Variants in SIPA1L1 observed in about 807,000 individuals in gnomAD.
The protein encoded by SIPA1L1 is signal-induced proliferation-associated 1-like protein 1.
In SIPA1L1, 26 loss-of-function variants were observed where a neutral mutation model predicts 162.7. The ratio of observed to expected loss-of-function variants is 0.16; its 90% CI spans 0.12 to 0.22. SIPA1L1 has a LOEUF of 0.22. Ranked by LOEUF, SIPA1L1 falls within the 10% of genes least tolerant of loss-of-function variation. The pLI is 1.00. For missense variants in SIPA1L1, 1,874 were observed against 2,241.0 expected (o/e 0.84, Z 3.31); for synonymous variants, 829 against 837.4 (o/e 0.99, Z 0.17).
chr14:71,330,459 C>T, intron 2 of SIPA1L1: 4 of 1,602,186 alleles, frequency 2.5e-6, no homozygotes, highest in Non-Finnish European at 3.4e-6. Context: ...CTTGGAAATC[C>T]ACATCATTCA....
intron 2 of SIPA1L1, among the ~76,000 whole-genome samples, chr14:71,322,914 A>G (rs887522724): frequency 2.6e-5 from 4 of 152,190 alleles, no homozygotes; most frequent in African/African-American, 9.7e-5. Flanking sequence ...GGTACAGTGA[A>G]CTTTTAAAAT....
At chr14:71,413,989 T>G (rs1257830681) in intron 2 of SIPA1L1, 3 of 152,226 alleles carry the variant, frequency 2.0e-5, no homozygotes, top group African/African-American at 7.2e-5. Flanking sequence ...AAGCAAGATA[T>G]ACTACTAACT....
At chr14:71,623,306 T>A (rs1270637784) in intron 6 of SIPA1L1, among the ~76,000 whole-genome samples, 1 of 152,248 alleles carries the variant, frequency 6.6e-6, no homozygotes, top group African/African-American at 2.4e-5. Flanking sequence ...ATGCAGCAGT[T>A]AAATTAGGTT....
In SIPA1L1 at chr14:71,403,599, C is replaced by CAAA. The variant is rs147285643; in HGVS notation, c.-465+82441_-465+82443dup. Among the ~76,000 whole-genome samples the CAAA allele has an allele frequency of 2.7e-3, 187 of 69,228 alleles. 5 individuals are homozygous for CAAA. Among genetic ancestry groups the CAAA allele is most frequent in the African/African-American group, 8.9e-3 (160 of 17,996 alleles). The allele number at this position is 69,228 out of a possible 152,430, so 45.4% of individuals were successfully genotyped here. On this transcript the variant is annotated intron_variant, in intron 2 of 23. Transcript: ENST00000381232. ...TAGGTGACAGGCTGAGACTCTGTCT[C>CAAA]AAAAAAAAAAAAAAAAAAAAAAAAA...
intron 10 of SIPA1L1, among the ~76,000 whole-genome samples, chr14:71,666,261 T>C (rs1879074034): frequency 6.6e-6 from 1 of 152,202 alleles, no homozygotes; most frequent in African/African-American, 2.4e-5. Flanking sequence ...GAGGAACATG[T>C]TTGTAGTTGA....
intron 2 of SIPA1L1, among the ~76,000 whole-genome samples, chr14:71,421,500 A>G (rs904891686): frequency 6.6e-6 from 1 of 152,060 alleles, no homozygotes; most frequent in African/African-American, 2.4e-5. Flanking sequence ...TTGGGAGCCT[A>G]AGGTGGGAGG....
intron 12 of SIPA1L1, among the ~76,000 whole-genome samples, chr14:71,674,559 TGTTTTTTTTTG>T (rs2044887690): frequency 6.7e-6 from 1 of 148,474 alleles, no homozygotes; most frequent in African/African-American, 2.5e-5. Context: ...GTTTTTTTTT[TGTTTTTTTTTG>T]TTTTTTTTTT....
chr14:71,387,526 T>C (rs2040433844), intron 2 of SIPA1L1, among the ~76,000 whole-genome samples: 1 of 152,214 alleles, frequency 6.6e-6, no homozygotes, highest in Admixed American at 6.5e-5. Context: ...ACATCATTAC[T>C]GTAGCCAAGA....
chr14:71,417,822 A>C (rs2042917314), intron 2 of SIPA1L1, among the ~76,000 whole-genome samples: 1 of 152,240 alleles, frequency 6.6e-6, no homozygotes, highest in Non-Finnish European at 1.5e-5. Context: ...AAAAATACTA[A>C]AAATGTATAG....
intron 4 of SIPA1L1, among the ~76,000 whole-genome samples, chr14:71,538,901 G>A (rs1005038804): frequency 3.9e-5 from 6 of 152,100 alleles, no homozygotes; most frequent in Non-Finnish European, 5.9e-5. Context: ...ACTGTTTTTT[G>A]TTTGTTTGTT....
At chr14:71,490,689 G>A (rs757809367) in intron 2 of SIPA1L1, among the ~76,000 whole-genome samples, 8 of 152,102 alleles carry the variant, frequency 5.3e-5, no homozygotes, top group Non-Finnish European at 8.8e-5. Flanking sequence ...GTGTCATACA[G>A]CAACATTATT....
chr14:71,350,087 C>A (rs113102830), intron 2 of SIPA1L1, among the ~76,000 whole-genome samples: 2,674 of 152,186 alleles, frequency 0.018, 31 homozygotes, highest in African/African-American at 0.026. Context: ...TATGAAAAAA[C>A]TTTTTAGAAG....
At chr14:71,486,879 T>C (rs2048804005) in intron 2 of SIPA1L1, among the ~76,000 whole-genome samples, 1 of 152,202 alleles carries the variant, frequency 6.6e-6, no homozygotes, top group Admixed American at 6.5e-5. Context: ...AATTAATAAA[T>C]TTTTTCATGC....
intron 2 of SIPA1L1, among the ~76,000 whole-genome samples, chr14:71,376,395 T>C (rs2141098819): frequency 6.6e-6 from 1 of 152,150 alleles, no homozygotes; most frequent in Non-Finnish European, 1.5e-5. Flanking sequence ...ATTAGCAAAT[T>C]GGCTTTTACA....
chr14:71,498,197 T>G (rs1057244642), intron 2 of SIPA1L1, among the ~76,000 whole-genome samples: 3 of 152,192 alleles, frequency 2.0e-5, no homozygotes, highest in African/African-American at 7.2e-5. Flanking sequence ...AAATCTTATT[T>G]TAGGTACACT....
At chr14:71,352,571 T>C (rs1282242267) in intron 2 of SIPA1L1, among the ~76,000 whole-genome samples, 2 of 152,220 alleles carry the variant, frequency 1.3e-5, no homozygotes, top group African/African-American at 4.8e-5. Flanking sequence ...TACAAGTATT[T>C]GTAGTTTATT....
chr14:71,588,066 T>G lies in SIPA1L1; in HGVS notation c.194T>G (p.Ile65Arg). ...CCCCGAAGTGAAGGTTCTCACCATA[T>G]AACCTCAACCCCCGGAGTCCCAAAA... is the stretch of plus-strand genomic sequence containing the variant. ...GPPRSEGSHH[I>R]TSTPGVPKMG... The change falls in exon 5 of 24, where the codon ATA (isoleucine) becomes AGA (arginine). Residue 65 changes from isoleucine (I) to arginine (R), a missense_variant. Ile to Arg is a moderately conservative substitution (Grantham distance 97). Around this residue, in one of 5 missense-constraint regions of SIPA1L1, gnomAD observed 685 missense variants for 828.0 expected, o/e 0.83. Transcript: ENST00000381232. The surrounding 1 kb of genome is among the most constrained non-coding windows in gnomAD (Gnocchi z 4.3). 6.2e-7 allele frequency: 1 copy of G among 1,614,106 alleles called. No homozygotes were observed. Among genetic ancestry groups the G allele is most frequent in the Non-Finnish European group, 8.5e-7 (1 of 1,179,998 alleles).
intron 2 of SIPA1L1, chr14:71,416,378 T>G (rs964020965): frequency 6.8e-6 from 1 of 147,320 alleles, no homozygotes; most frequent in Non-Finnish European, 1.5e-5. Flanking sequence ...ATGGTTTTTG[T>G]TTTTTTTTTA....
intron 2 of SIPA1L1, among the ~76,000 whole-genome samples, chr14:71,414,922 C>T (rs1030331732): frequency 2.6e-5 from 4 of 152,132 alleles, no homozygotes; most frequent in Non-Finnish European, 5.9e-5. Context: ...AAAACAACAG[C>T]TTAATGCAGA....
Sources: gnomAD v4.1 joint callset for allele counts (sites outside exome capture counted in the v4.1 genomes callset) on GRCh38, gnomAD v4.1.1 for gene constraint, gnomAD v4.1.1 regional missense constraint, Gnocchi (gnomAD v3.1) non-coding constraint, MANE v1.5 for transcripts, NCBI Gene and HGNC (gene_info 2026-07-23, HGNC 2026-07-21) for gene names.